The following SERHL2 variants were observed in gnomAD, a reference collection of about 807,000 sequenced individuals.
The protein encoded by SERHL2 is serine hydrolase-like protein 2.
In SERHL2, 29 loss-of-function variants were observed where a neutral mutation model predicts 25.5. The observed-to-expected ratio is 1.14, with a 90% confidence interval of 0.85 to 1.55. The LOEUF (loss-of-function observed/expected upper bound fraction) is 1.55. SERHL2 is among the 40% of genes most tolerant of loss of function. The probability of loss-of-function intolerance (pLI) is 0.00; values close to 1 mark genes in which losing one functional copy is unlikely to be tolerated. For synonymous variants in SERHL2, 95 were observed against 103.5 expected (o/e 0.92, Z 0.50); for missense variants, 240 against 252.3 (o/e 0.95, Z 0.33).
intron 1 of SERHL2, 163 bp downstream of exon 1, chr22:42,554,205 G>A (rs1401980865): frequency 3.5e-6 from 3 of 867,404 alleles, no homozygotes; most frequent in Non-Finnish European, 3.5e-6. Context: ...GACCGGCCAG[G>A]AGTTGGGGGA....
rs548376251 is a variant in SERHL2, at chr22:42,568,822, C to T, written c.649-2299C>T. ...TCTACCAAAAAATACAAAAATTAGCCGGGTGTGGTGGCACACACCTGTAGT... is the reference window on the plus strand; with the variant it reads ...TCTACCAAAAAATACAAAAATTAGCTGGGTGTGGTGGCACACACCTGTAGT... On this transcript the variant is annotated intron_variant, in intron 9 of 11. Coordinates refer to ENST00000327678, the MANE Select transcript of SERHL2 (RefSeq NM_014509.5). Among the ~76,000 whole-genome samples, 133 of 151,916 alleles carry T rather than the reference C, an allele frequency of 8.8e-4. 3 individuals are homozygous for T. The highest frequency in any genetic ancestry group is 1.2e-3 in the Non-Finnish European group (83 of 67,918).
intron 8 of SERHL2, among the ~76,000 whole-genome samples, chr22:42,565,617 C>T (rs973168228): frequency 6.6e-6 from 1 of 151,822 alleles, no homozygotes; most frequent in Non-Finnish European, 1.5e-5. Context: ...AGCCACCATG[C>T]CTGGCCTTGG....
rs1310024047 is a variant in SERHL2, at chr22:42,566,660, G to A, written c.648+322G>A. Among the ~76,000 whole-genome samples the A allele has an allele frequency of 9.9e-5, 15 of 152,044 alleles. No individual in the cohort carries two copies. The East Asian group carries it at 2.7e-3, about 27-fold the overall frequency. ...TTCAGTGGCATTAAATACAGTCGAT[G>A]GAGGTGAGGAGAGGAGGGAGACATC... On this transcript the variant is annotated intron_variant, in intron 9 of 11. Transcript: ENST00000327678.
intron 9 of SERHL2, among the ~76,000 whole-genome samples, chr22:42,570,461 C>T (rs1341542455): frequency 6.6e-6 from 1 of 152,080 alleles, no homozygotes; most frequent in African/African-American, 2.4e-5. Context: ...TTTTAACATC[C>T]ACAATGTGAT....
Position 42,572,507 on chromosome 22 carries a change from C to T in SERHL2, c.803C>T (p.Thr268Met), listed in dbSNP as rs376451858. 9 of 1,611,572 alleles carry T rather than the reference C, an allele frequency of 5.6e-6. No homozygotes were observed. Among genetic ancestry groups the T allele is most frequent in the Middle Eastern group, 1.6e-4 (1 of 6,062 alleles). ...GAGTCCCTGTCGTTCATGATAGACA[C>T]GATGAAATCCACCCTCAAAGAGGTA... is the stretch of plus-strand genomic sequence containing the variant. ...EKESLSFMID[T>M]MKSTLKEQFQ... is the part of the protein sequence containing the mutation. The change falls in exon 11 of 12, where the codon ACG (threonine) becomes ATG (methionine). Residue 268 changes from threonine to methionine, a missense_variant. Thr to Met is a moderately conservative substitution (Grantham distance 81). Coordinates refer to ENST00000327678, the MANE Select transcript of SERHL2 (RefSeq NM_014509.5).
At chr22:42,566,360 T>A (rs886125629) in intron 9 of SERHL2, 22 bp downstream of exon 9, 13 of 1,609,622 alleles carry the variant, frequency 8.1e-6, no homozygotes, top group Non-Finnish European at 1.0e-5. Flanking sequence ...TGCCTCCGGG[T>A]CCCCCGCCAA....
intron 11 of SERHL2, 163 bp from the exon 12 acceptor site, chr22:42,573,773 C>G: frequency 4.1e-6 from 3 of 733,730 alleles, no homozygotes; most frequent in Non-Finnish European, 7.1e-6. Context: ...GTGCTATGGA[C>G]TGTCGGGGCT....
At chr22:42,572,767 C>G in intron 11 of SERHL2, 11 of 974,462 alleles carry the variant, frequency 1.1e-5, no homozygotes, top group Non-Finnish European at 1.3e-5. Context: ...CAGGTTCAAG[C>G]TACTCTCGTG....
chr22:42,572,789 T>C (rs1409471539), intron 11 of SERHL2: 7 of 890,344 alleles, frequency 7.9e-6, no homozygotes, highest in Non-Finnish European at 8.1e-6. Flanking sequence ...CTCAGCCTCC[T>C]GAGTAGCTGG....
At chr22:42,560,123 C>G (rs1237401380) in intron 7 of SERHL2, 63 bp from the exon 8 acceptor site, 4 of 1,332,632 alleles carry the variant, frequency 3.0e-6, no homozygotes, top group Non-Finnish European at 4.3e-6. Context: ...CCCTCCTCTC[C>G]TTTTTATCTG....
intron 7 of SERHL2, among the ~76,000 whole-genome samples, chr22:42,559,354 C>T (rs1029650768): frequency 6.6e-6 from 1 of 150,956 alleles, no homozygotes; most frequent in Non-Finnish European, 1.5e-5. Flanking sequence ...TGCAGACAGC[C>T]ATGATCATGC....
At chr22:42,563,765 G>T (rs1300073279) in intron 8 of SERHL2, among the ~76,000 whole-genome samples, 4 of 151,918 alleles carry the variant, frequency 2.6e-5, no homozygotes, top group Admixed American at 1.3e-4. Flanking sequence ...TAAATAGAAA[G>T]ATTTTATGTA....
At chr22:42,559,789 C>T (rs2146679550) in intron 7 of SERHL2, among the ~76,000 whole-genome samples, 1 of 151,834 alleles carries the variant, frequency 6.6e-6, no homozygotes, top group Non-Finnish European at 1.5e-5. Flanking sequence ...CTTTTGCTGC[C>T]CTTGTCTCCA....
intron 7 of SERHL2, among the ~76,000 whole-genome samples, chr22:42,559,729 A>G (rs1309570548): frequency 1.3e-5 from 2 of 151,646 alleles, no homozygotes; most frequent in Non-Finnish European, 2.9e-5. Flanking sequence ...ACAAAGAAAA[A>G]AAAAGAAAAA....
At chr22:42,566,251 C>G in intron 8 of SERHL2, 53 bp from the exon 9 acceptor site, 1 of 1,587,984 alleles carries the variant, frequency 6.3e-7, no homozygotes, top group Non-Finnish European at 8.6e-7. Flanking sequence ...CGGAGCGTCC[C>G]CTGACCCTGA....
At chr22:42,567,681 T>G (rs200364203) in intron 9 of SERHL2, among the ~76,000 whole-genome samples, 2 of 119,366 alleles carry the variant, frequency 1.7e-5, no homozygotes, top group Admixed American at 1.6e-4. Flanking sequence ...AAAAAAAAAA[T>G]AAATAAATAA....
rs772950913 is a variant in SERHL2 at position 42,571,169 on chromosome 22, A to G, written c.697A>G (p.Ile233Val). The G allele has an allele frequency of 6.2e-7, 1 of 1,613,466 alleles. No individual in the cohort carries two copies. Among genetic ancestry groups the G allele is most frequent in the Non-Finnish European group, 8.5e-7 (1 of 1,179,676 alleles). ...FISRELCAHSIRKLQAHVLLI... is the reference protein window; with the variant it reads ...FISRELCAHSVRKLQAHVLLI... ...CAGCAGGGAGCTGTGTGCGCATTCC[A>G]TCAGGAAGCTGCAGGCCCATGTCCT... is the stretch of plus-strand genomic sequence containing the variant. The change falls in exon 10 of 12, where the codon ATC (isoleucine) becomes GTC (valine). Residue 233 changes from isoleucine (I) to valine (V), a missense_variant. Physicochemically the swap from Ile to Val is conservative, Grantham distance 29. This residue lies in a region of SERHL2 where 212 missense variants were observed against 168.9 expected (regional missense o/e 1.25). Transcript: ENST00000327678.
Position 42,573,869 on chromosome 22 carries a change from C to G in SERHL2, c.826-67C>G. 1.6e-5 allele frequency: 24 copies of G among 1,524,976 alleles called. 2 individuals carry two copies. The highest frequency in any genetic ancestry group is 2.2e-5 in the Non-Finnish European group (24 of 1,110,834). The allele number at this position is 1,524,976 out of a possible 1,614,324, so 94.5% of individuals were successfully genotyped here. A position where few individuals can be genotyped will look rare whatever the true frequency, so the allele number is the denominator to read the frequency against. On this transcript the variant is annotated intron_variant, in intron 11 of 11. Coordinates refer to ENST00000327678, the MANE Select transcript of SERHL2 (RefSeq NM_014509.5). ...GGAATGCTGTGGGAGGGCCCTGACC[C>G]CGGGGCCCATGGAGCTCCCTAGGCT...
intron 8 of SERHL2, among the ~76,000 whole-genome samples, chr22:42,564,340 G>C (rs895874860): frequency 6.6e-6 from 1 of 151,572 alleles, no homozygotes; most frequent in Admixed American, 6.6e-5. Context: ...GTCAGACAGT[G>C]AATGCCCATC....
Sources: gnomAD v4.1 joint callset for allele counts (sites outside exome capture counted in the v4.1 genomes callset) on GRCh38, gnomAD v4.1.1 for gene constraint, gnomAD v4.1.1 regional missense constraint, MANE v1.5 for transcripts, NCBI Gene and HGNC (gene_info 2026-07-23, HGNC 2026-07-21) for gene names.